Variants in MED12L observed in about 807,000 individuals in gnomAD.
The protein encoded by MED12L is mediator complex subunit 12L, also known as mediator of RNA polymerase II transcription subunit 12-like protein.
MED12L carries 60 observed loss-of-function variants against 281.3 expected under a neutral mutation model. The ratio of observed to expected loss-of-function variants is 0.21; its 90% CI spans 0.17 to 0.26. The LOEUF (loss-of-function observed/expected upper bound fraction) is 0.26, where lower values mean the gene tolerates loss of function less well. Ranked by LOEUF, MED12L falls within the 10% of genes least tolerant of loss-of-function variation. The pLI is 1.00. For synonymous variants in MED12L, 974 were observed against 987.2 expected (o/e 0.99, Z 0.25); for missense variants, 2,146 against 2,680.9 (o/e 0.80, Z 4.41).
intron 16 of MED12L, among the ~76,000 whole-genome samples, chr3:151,282,866 AATGCAGAC>A (rs1424869305): frequency 1.3e-5 from 2 of 152,232 alleles, no homozygotes; most frequent in African/African-American, 2.4e-5. Context: ...GAAAACATTG[AATGCAGAC>A]ATGCCTTTTT....
At chr3:151,210,069 C>G (rs144339535) in intron 16 of MED12L, among the ~76,000 whole-genome samples, 5 of 152,198 alleles carry the variant, frequency 3.3e-5, no homozygotes, top group Non-Finnish European at 5.9e-5. Context: ...GCTTTAGGCT[C>G]TCTTTCCTAT....
chr3:151,146,450 C>G (rs147720818), intron 5 of MED12L, among the ~76,000 whole-genome samples: 1 of 152,296 alleles, frequency 6.6e-6, no homozygotes, highest in African/African-American at 2.4e-5. Flanking sequence ...ATGTGCACCT[C>G]AGGCAGGGCC....
chr3:151,394,391 T>C (rs1345730661), intron 38 of MED12L, among the ~76,000 whole-genome samples: 1 of 152,256 alleles, frequency 6.6e-6, no homozygotes, highest in Non-Finnish European at 1.5e-5. Flanking sequence ...TGCCAACAAC[T>C]GTATGTTTTA....
intron 5 of MED12L, among the ~76,000 whole-genome samples, chr3:151,137,938 A>G (rs1716388489): frequency 6.6e-6 from 1 of 152,060 alleles, no homozygotes; most frequent in East Asian, 1.9e-4. Flanking sequence ...TATTTTGAAT[A>G]TGTAATACCT....
At chr3:151,096,210 G>A (rs1053681623) in intron 2 of MED12L, among the ~76,000 whole-genome samples, 4 of 152,134 alleles carry the variant, frequency 2.6e-5, no homozygotes, top group Non-Finnish European at 5.9e-5. Context: ...ACTGACCTTG[G>A]GACCACTTCT....
At chr3:151,392,292 C>T (rs914887288) in intron 38 of MED12L, among the ~76,000 whole-genome samples, 4 of 151,432 alleles carry the variant, frequency 2.6e-5, no homozygotes, top group South Asian at 4.2e-4. Context: ...GGTGAAACCC[C>T]GTATCTACTA....
intron 16 of MED12L, chr3:151,326,435 T>G (rs1373694115): frequency 1.3e-5 from 2 of 152,550 alleles, no homozygotes; most frequent in Non-Finnish European, 2.9e-5. Flanking sequence ...GTGATAAGTT[T>G]AATAATATAG....
At chr3:151,258,833 C>T (rs1253468946) in intron 16 of MED12L, among the ~76,000 whole-genome samples, 1 of 122,822 alleles carries the variant, frequency 8.1e-6, no homozygotes, top group African/African-American at 3.2e-5. Context: ...GCCTGGGCGA[C>T]AGAGCAAGAT....
chr3:151,402,382 G>T (rs974113980), intron 39 of MED12L, among the ~76,000 whole-genome samples: 5 of 152,128 alleles, frequency 3.3e-5, no homozygotes, highest in Non-Finnish European at 4.4e-5. Flanking sequence ...AACAGTGGTC[G>T]CACTATAAAT....
chr3:151,400,035 C>T (rs1480782892), intron 39 of MED12L, among the ~76,000 whole-genome samples: 2 of 152,198 alleles, frequency 1.3e-5, no homozygotes, highest in East Asian at 1.9e-4. Flanking sequence ...CCATGTTGGC[C>T]AGGCTGGTCT....
intron 44 of MED12L, 147 bp from the exon 45 acceptor site, chr3:151,432,605 G>C: frequency 1.7e-6 from 1 of 581,880 alleles, no homozygotes; most frequent in Non-Finnish European, 3.1e-6. Flanking sequence ...CCCACCACAA[G>C]GGTTTTTCAG....
chr3:151,365,819 T>G, intron 22 of MED12L, 31 bp from the exon 23 acceptor site: 1 of 1,574,386 alleles, frequency 6.4e-7, no homozygotes, highest in Non-Finnish European at 8.6e-7. Context: ...TTGTACAAGG[T>G]TACTTTCTGT....
intron 19 of MED12L, among the ~76,000 whole-genome samples, chr3:151,356,633 G>T (rs571010340): frequency 2.1e-4 from 31 of 150,750 alleles, no homozygotes; most frequent in Middle Eastern, 6.8e-3. Context: ...GTTTTTTTTT[G>T]TTGTTGTTGT....
At chr3:151,198,342 G>GTTT (rs11431846) in intron 16 of MED12L, 130 of 693,598 alleles carry the variant, frequency 1.9e-4, no homozygotes, top group African/African-American at 5.7e-4. Flanking sequence ...GTTTTTTTTT[G>GTTT]TTTTTTTTTT....
intron 39 of MED12L, among the ~76,000 whole-genome samples, chr3:151,395,238 A>G (rs1560121614): frequency 6.6e-6 from 1 of 152,026 alleles, no homozygotes; most frequent in Non-Finnish European, 1.5e-5. Flanking sequence ...TCTTGTGTTC[A>G]TGTATTATTT....
chr3:151,366,465 C>A (rs1372355737), intron 23 of MED12L, among the ~76,000 whole-genome samples: 1 of 152,154 alleles, frequency 6.6e-6, no homozygotes, highest in Non-Finnish European at 1.5e-5. Flanking sequence ...CCGAGGATGT[C>A]CGGTGTTTTT....
chr3:151,173,764 G>A (rs759734834), intron 11 of MED12L, among the ~76,000 whole-genome samples: 12 of 152,136 alleles, frequency 7.9e-5, no homozygotes, highest in Non-Finnish European at 1.0e-4. Context: ...CTTACTAATA[G>A]AATCCACTTC....
intron 2 of MED12L, among the ~76,000 whole-genome samples, chr3:151,099,579 A>C (rs1576722335): frequency 6.6e-6 from 1 of 152,134 alleles, no homozygotes; most frequent in East Asian, 1.9e-4. Flanking sequence ...ATCTGTTTTG[A>C]GACATTGTTT....
intron 5 of MED12L, among the ~76,000 whole-genome samples, chr3:151,148,873 A>G (rs1718088539): frequency 6.6e-6 from 1 of 152,230 alleles, no homozygotes; most frequent in African/African-American, 2.4e-5. Flanking sequence ...AAAAGAATGG[A>G]AAGTCCAATA....
Sources: allele counts gnomAD v4.1 joint callset (sites outside exome capture counted in the v4.1 genomes callset), GRCh38; gene constraint gnomAD v4.1.1; transcripts MANE v1.5; gene names NCBI Gene and HGNC (gene_info 2026-07-23, HGNC 2026-07-21).